NECTIN1: variants seen among roughly 807,000 people sequenced by gnomAD.
NECTIN1 encodes the protein nectin-1.
In NECTIN1, 23 loss-of-function variants were observed where a neutral mutation model predicts 48.0. The ratio of observed to expected loss-of-function variants is 0.48; its 90% CI spans 0.34 to 0.68. The LOEUF (loss-of-function observed/expected upper bound fraction) is 0.68, where lower values mean the gene tolerates loss of function less well. NECTIN1 is among the 30% of genes least tolerant of loss of function. The probability of loss-of-function intolerance (pLI) is 0.01; values close to 1 mark genes in which losing one functional copy is unlikely to be tolerated. For missense variants in NECTIN1, 591 were observed against 709.9 expected (o/e 0.83, Z 1.90); for synonymous variants, 270 against 288.9 (o/e 0.93, Z 0.66).
At chr11:119,676,939 T>C in intron 4 of NECTIN1, 163 bp downstream of exon 4, 1 of 684,250 alleles carries the variant, frequency 1.5e-6, no homozygotes, top group Non-Finnish European at 2.7e-6. Flanking sequence ...TATATGTGTG[T>C]GTTGGGGGTG....
intron 1 of NECTIN1, among the ~76,000 whole-genome samples, chr11:119,719,990 C>T (rs548385580): frequency 4.5e-4 from 68 of 151,428 alleles, no homozygotes; most frequent in Non-Finnish European, 7.1e-4. Context: ...TGCAAAGGCA[C>T]GGAGGCAGGA....
In NECTIN1 at chr11:119,702,418, T is replaced by C. The variant is rs1040517681; in HGVS notation, c.80-23653A>G. Among the ~76,000 whole-genome samples, 18 of 152,252 alleles carry C rather than the reference T, an allele frequency of 1.2e-4. 2 individuals are homozygous for C. The highest frequency in any genetic ancestry group is 1.1e-3 in the Admixed American group (17 of 15,280). On this transcript the variant is annotated intron_variant, in intron 1 of 5. Coordinates refer to ENST00000264025, the MANE Select transcript of NECTIN1 (RefSeq NM_002855.5). ...TGGGAGTGGGTCAGCCACCGCCAGA[T>C]GCCATCAAGGCGAGTCCAGGGCTGT...
At chr11:119,671,668 C>G (rs188190958) in intron 5 of NECTIN1, among the ~76,000 whole-genome samples, 13 of 152,158 alleles carry the variant, frequency 8.5e-5, no homozygotes, top group African/African-American at 3.1e-4. Context: ...AAGAACTACA[C>G]CCCCCAGCAT....
intron 5 of NECTIN1, among the ~76,000 whole-genome samples, chr11:119,655,817 C>CA (rs1591442701): frequency 6.6e-6 from 1 of 152,166 alleles, no homozygotes; most frequent in East Asian, 1.9e-4. Flanking sequence ...AATTGCCCAG[C>CA]ACCAGAGGCT....
rs148214295 is a variant in NECTIN1 at position 119,709,694 on chromosome 11, G to A, written c.79+18781C>T. ...GGGCTGGGAGAGGAGAGTGATGCTC[G>A]GGGACTCCCCAACTCTCAGGCAGGG... On this transcript the variant is annotated intron_variant, in intron 1 of 5. Transcript: ENST00000264025. This position sits in a 1 kb window ranked among gnomAD's most constrained non-coding sequence, Gnocchi z 4.1. Among the ~76,000 whole-genome samples, 395 of 152,214 alleles carry A rather than the reference G, an allele frequency of 2.6e-3. 1 individual carries two copies. The highest frequency in any genetic ancestry group is 7.9e-3 in the African/African-American group (330 of 41,522).
chr11:119,649,745 C>T (rs118120747), intron 5 of NECTIN1, among the ~76,000 whole-genome samples: 11 of 152,248 alleles, frequency 7.2e-5, no homozygotes, highest in Non-Finnish European at 1.2e-4. Context: ...TATAAAAACA[C>T]GGGAATGGCA....
In NECTIN1 at chr11:119,720,528, C is replaced by T. The variant is rs796261946; in HGVS notation, c.79+7947G>A. Among the ~76,000 whole-genome samples the T allele has an allele frequency of 4.6e-5, 7 of 152,398 alleles. No homozygotes were observed. The South Asian group carries it at 1.2e-3, about 27-fold the overall frequency. On this transcript the variant is annotated intron_variant, in intron 1 of 5. Coordinates refer to ENST00000264025, the MANE Select transcript of NECTIN1 (RefSeq NM_002855.5). ...ACCCGTGTGGCCCCCCATGGGAGCACCCCGCGTGAGCCTGTGTGTGCTAAA... is the reference window on the plus strand; with the variant it reads ...ACCCGTGTGGCCCCCCATGGGAGCATCCCGCGTGAGCCTGTGTGTGCTAAA...
intron 6 of NECTIN1, chr11:119,638,825 T>A (rs1331547070): frequency 6.2e-7 from 1 of 1,606,858 alleles, no homozygotes; most frequent in South Asian, 1.1e-5. Context: ...AGAATGAGGG[T>A]AAGCTCAGCA....
chr11:119,678,277 T>A lies in NECTIN1; in HGVS notation c.430+138A>T. On this transcript the variant is annotated intron_variant, in intron 2 of 5. Coordinates refer to ENST00000264025, the MANE Select transcript of NECTIN1 (RefSeq NM_002855.5). This position sits in a 1 kb window ranked among gnomAD's most constrained non-coding sequence, Gnocchi z 4.4. ...GTGGGGTGGCCTGGCTAGAAGGGAC[T>A]GGAAGCCTCATGCCTAGAATGATGG... The A allele has an allele frequency of 2.4e-6, 2 of 842,696 alleles. No individual in the cohort carries two copies. Among genetic ancestry groups the A allele is most frequent in the East Asian group, 4.9e-5 (2 of 40,668 alleles). 52.2% of individuals were successfully genotyped at this position (842,696 alleles called of 1,614,324 possible). A position where few individuals can be genotyped will look rare whatever the true frequency, so the allele number is the denominator to read the frequency against.
rs1865921104 is a variant in NECTIN1, at chr11:119,727,089, G to C, written c.79+1386C>G. Among the ~76,000 whole-genome samples the C allele has an allele frequency of 6.6e-6, 1 of 152,134 alleles. No individual in the cohort carries two copies. Among genetic ancestry groups the C allele is most frequent in the Admixed American group, 6.5e-5 (1 of 15,284 alleles). Reference sequence around the variant, plus strand: ...ACCCCAGTACTGGCTTTCACAAACTGCTTCCCAGACATCCACCACTTAGTG... The same window carrying C: ...ACCCCAGTACTGGCTTTCACAAACTCCTTCCCAGACATCCACCACTTAGTG... On this transcript the variant is annotated intron_variant, in intron 1 of 5. Transcript: ENST00000264025. This position sits in a 1 kb window ranked among gnomAD's most constrained non-coding sequence, Gnocchi z 4.1.
At chr11:119,685,914 G>T (rs1865146817) in intron 1 of NECTIN1, among the ~76,000 whole-genome samples, 1 of 152,158 alleles carries the variant, frequency 6.6e-6, no homozygotes, top group Non-Finnish European at 1.5e-5. Context: ...GACCTTGGGG[G>T]ACTGCACTTT....
At chr11:119,723,449 C>T (rs975462732) in intron 1 of NECTIN1, among the ~76,000 whole-genome samples, 2 of 152,164 alleles carry the variant, frequency 1.3e-5, no homozygotes, top group Non-Finnish European at 2.9e-5. Flanking sequence ...TGCTGCTCTG[C>T]TCTCTCCTGG....
In NECTIN1 at chr11:119,683,200, C is replaced by T. The variant is rs759134605; in HGVS notation, c.80-4435G>A. Among the ~76,000 whole-genome samples the T allele has an allele frequency of 3.3e-5, 5 of 152,204 alleles. No homozygotes were observed. Among genetic ancestry groups the T allele is most frequent in the Non-Finnish European group, 5.9e-5 (4 of 68,042 alleles). ...CTCCTTTCCCGCAGGTTCCCTCTTA[C>T]ATGAGAAGCAGAGGCTGGCCCAGAT... On this transcript the variant is annotated intron_variant, in intron 1 of 5. Transcript: ENST00000264025. The surrounding 1 kb of genome is among the most constrained non-coding windows in gnomAD (Gnocchi z 4.0).
At chr11:119,655,359 A>G (rs1292404012) in intron 5 of NECTIN1, among the ~76,000 whole-genome samples, 3 of 152,170 alleles carry the variant, frequency 2.0e-5, no homozygotes, top group African/African-American at 7.2e-5. Flanking sequence ...AAAATAAAAA[A>G]CATTCTACAC....
intron 1 of NECTIN1, among the ~76,000 whole-genome samples, chr11:119,705,816 G>A (rs1292495211): frequency 6.6e-6 from 1 of 152,188 alleles, no homozygotes; most frequent in Non-Finnish European, 1.5e-5. Flanking sequence ...TGGGGAGGGA[G>A]CCCCAAGGCC....
At position 119,684,463 on chromosome 11, in the gene NECTIN1, T is replaced by C. The variant is rs1307132482; in HGVS notation, c.80-5698A>G. ...AGGGCCTCTGTGAAATCGATATCCT[T>C]CGGGATGCATTTCTAGGGCTTTCCA... On this transcript the variant is annotated intron_variant, in intron 1 of 5. Transcript: ENST00000264025. This position sits in a 1 kb window ranked among gnomAD's most constrained non-coding sequence, Gnocchi z 5.2. Among the ~76,000 whole-genome samples the C allele has an allele frequency of 6.6e-6, 1 of 152,188 alleles. No individual in the cohort carries two copies. The highest frequency in any genetic ancestry group is 1.9e-4 in the East Asian group (1 of 5,188).
intron 1 of NECTIN1, among the ~76,000 whole-genome samples, chr11:119,698,960 C>T (rs1865388585): frequency 6.6e-6 from 1 of 152,172 alleles, no homozygotes; most frequent in African/African-American, 2.4e-5. Flanking sequence ...TGCCCTGTGC[C>T]AGCCTGCAGA....
Position 119,684,539 on chromosome 11 carries a change from C to T in NECTIN1, c.80-5774G>A, listed in dbSNP as rs78710017. ...AACTGGCAGAAGGGGACAGGATGTC[C>T]GGTGAGAAACCGGCTAAGTGGTAAG... On this transcript the variant is annotated intron_variant, in intron 1 of 5. Transcript: ENST00000264025. The surrounding 1 kb of genome is among the most constrained non-coding windows in gnomAD (Gnocchi z 5.2). 5.7e-3 allele frequency among the ~76,000 whole-genome samples: 869 copies of T among 152,292 alleles called. 5 individuals carry two copies. Among genetic ancestry groups the T allele is most frequent in the South Asian group, 9.9e-3 (48 of 4,826 alleles).
In NECTIN1 at chr11:119,664,360, T is replaced by C; in HGVS notation, c.*387A>G. 9.7e-7 allele frequency: 1 copy of C among 1,032,402 alleles called. No individual in the cohort carries two copies. Among genetic ancestry groups the C allele is most frequent in the Non-Finnish European group, 1.2e-6 (1 of 859,176 alleles). 64.0% of individuals were successfully genotyped at this position (1,032,402 alleles called of 1,614,324 possible). A position where few individuals can be genotyped will look rare whatever the true frequency, so the allele number is the denominator to read the frequency against. ...AGCCCCTTGAGCCCTCCACCCCCAGTGAAGAAACACAAACAAATTCCAGTG... is the reference window on the plus strand; with the variant it reads ...AGCCCCTTGAGCCCTCCACCCCCAGCGAAGAAACACAAACAAATTCCAGTG... On this transcript the variant is annotated 3_prime_UTR_variant, in exon 6 of 6. Coordinates refer to ENST00000264025, the MANE Select transcript of NECTIN1 (RefSeq NM_002855.5).
Sources: allele counts gnomAD v4.1 joint callset (sites outside exome capture counted in the v4.1 genomes callset), GRCh38; gene constraint gnomAD v4.1.1; non-coding constraint Gnocchi (gnomAD v3.1); transcripts MANE v1.5; gene names NCBI Gene and HGNC (gene_info 2026-07-23, HGNC 2026-07-21).